The following PEPD variants were observed in gnomAD, a reference collection of about 807,000 sequenced individuals.
PEPD encodes xaa-Pro dipeptidase.
A neutral mutation model predicts 60.7 loss-of-function variants in PEPD; 53 were observed. The ratio of observed to expected loss-of-function variants is 0.87; its 90% CI spans 0.70 to 1.10. The LOEUF (loss-of-function observed/expected upper bound fraction) is 1.10. Ranked by LOEUF, PEPD falls within the 50% of genes least tolerant of loss-of-function variation. The probability of loss-of-function intolerance (pLI) is 0.00; values close to 1 mark genes in which losing one functional copy is unlikely to be tolerated. For synonymous variants in PEPD, 267 were observed against 284.1 expected (o/e 0.94, Z 0.60); for missense variants, 711 against 711.9 (o/e 1.00, Z 0.01).
intron 9 of PEPD, among the ~76,000 whole-genome samples, chr19:33,421,113 G>A (rs972654164): frequency 1.3e-5 from 2 of 152,176 alleles, no homozygotes; most frequent in Non-Finnish European, 2.9e-5. Context: ...GTGAGCGTTC[G>A]GGTTGTTTCC....
At chr19:33,515,463 C>A (rs1171310353) in intron 1 of PEPD, among the ~76,000 whole-genome samples, 4 of 152,100 alleles carry the variant, frequency 2.6e-5, no homozygotes, top group Non-Finnish European at 4.4e-5. Flanking sequence ...AGAGGGAAGT[C>A]GGTGAGAGTT....
chr19:33,493,692 C>T (rs532585867), intron 4 of PEPD, among the ~76,000 whole-genome samples: 149 of 152,240 alleles, frequency 9.8e-4, no homozygotes, highest in African/African-American at 3.4e-3. Context: ...CTCAAAGACC[C>T]GTCCCCCGGG....
intron 3 of PEPD, among the ~76,000 whole-genome samples, chr19:33,505,413 G>A (rs1396678150): frequency 6.6e-6 from 1 of 152,066 alleles, no homozygotes; most frequent in Non-Finnish European, 1.5e-5. Context: ...GGCCACAGAG[G>A]GAACAGCGCT....
At chr19:33,434,122 G>A (rs1969328339) in intron 9 of PEPD, among the ~76,000 whole-genome samples, 1 of 152,118 alleles carries the variant, frequency 6.6e-6, no homozygotes, top group African/African-American at 2.4e-5. Flanking sequence ...GCCTTTCTGA[G>A]CCTGGCTTCT....
chr19:33,501,247 C>T (rs542410092), intron 3 of PEPD, among the ~76,000 whole-genome samples: 1 of 152,294 alleles, frequency 6.6e-6, no homozygotes, highest in African/African-American at 2.4e-5. Flanking sequence ...TCCTCCGTGA[C>T]CCTAGCCACC....
chr19:33,521,785 G>T lies in PEPD; in HGVS notation c.-25C>A, dbSNP rs768175498. 2 of 1,551,870 alleles carry T rather than the reference G, an allele frequency of 1.3e-6. No homozygotes were observed. Among genetic ancestry groups the T allele is most frequent in the Non-Finnish European group, 1.7e-6 (2 of 1,152,336 alleles). ...TGTTCGCCCGGCACCGGCGTCACGT[G>T]AAGTGCGGCGTCAGCTGAGCCCCTC... On this transcript the variant is annotated 5_prime_UTR_variant, in exon 1 of 15. Transcript: ENST00000244137.
chr19:33,422,145 C>T (rs1046821770), intron 9 of PEPD, among the ~76,000 whole-genome samples: 1 of 152,062 alleles, frequency 6.6e-6, no homozygotes, highest in Non-Finnish European at 1.5e-5. Context: ...AGGCAAGTTC[C>T]CACCAGGCCA....
intron 7 of PEPD, among the ~76,000 whole-genome samples, chr19:33,466,062 C>G (rs921677076): frequency 6.6e-6 from 1 of 152,116 alleles, no homozygotes; most frequent in Non-Finnish European, 1.5e-5. Context: ...GGACAGCAAG[C>G]CTAGAAAGCA....
At chr19:33,387,660 CTT>C in intron 14 of PEPD, 179 bp from the exon 15 acceptor site, 1 of 861,924 alleles carries the variant, frequency 1.2e-6, no homozygotes, top group Non-Finnish European at 1.9e-6. Flanking sequence ...CTCACCCTGT[CTT>C]TGCCAGGTGG....
intron 3 of PEPD, among the ~76,000 whole-genome samples, chr19:33,507,550 T>C (rs1970836926): frequency 6.6e-6 from 1 of 152,160 alleles, no homozygotes; most frequent in Non-Finnish European, 1.5e-5. Context: ...GTCGTTTCCC[T>C]GGGCGACTTT....
chr19:33,426,795 G>A (rs1187493237), intron 9 of PEPD, among the ~76,000 whole-genome samples: 1 of 152,226 alleles, frequency 6.6e-6, no homozygotes, highest in Non-Finnish European at 1.5e-5. Flanking sequence ...GCACCTGCAG[G>A]AAGCGAGGAC....
intron 3 of PEPD, among the ~76,000 whole-genome samples, chr19:33,503,604 T>G (rs1970750404): frequency 6.6e-6 from 1 of 151,988 alleles, no homozygotes. Flanking sequence ...CAGCACCGAG[T>G]TGACCCCACA....
At chr19:33,455,158 T>C (rs1166253399) in intron 9 of PEPD, among the ~76,000 whole-genome samples, 1 of 152,152 alleles carries the variant, frequency 6.6e-6, no homozygotes, top group East Asian at 1.9e-4. Flanking sequence ...AGCATGGACT[T>C]AAGATAATAA....
At chr19:33,483,956 G>GA (rs1970353985) in intron 6 of PEPD, among the ~76,000 whole-genome samples, 1 of 152,160 alleles carries the variant, frequency 6.6e-6, no homozygotes, top group Admixed American at 6.5e-5. Flanking sequence ...TAATGGTGTT[G>GA]AAAACACCTA....
At chr19:33,414,492 T>G (rs1044316305) in intron 9 of PEPD, among the ~76,000 whole-genome samples, 7 of 152,164 alleles carry the variant, frequency 4.6e-5, no homozygotes, top group African/African-American at 1.7e-4. Flanking sequence ...CGTGGGGAGC[T>G]GCCCTCACCC....
chr19:33,387,232 A>G lies in PEPD; in HGVS notation c.*112T>C. Reference sequence around the variant, plus strand: ...GGTCTGATCAAATGCCGAAGCTGGGATCTGATTCTGGGTGCCGTCTCTCGC... The same window carrying G: ...GGTCTGATCAAATGCCGAAGCTGGGGTCTGATTCTGGGTGCCGTCTCTCGC... On this transcript the variant is annotated 3_prime_UTR_variant, in exon 15 of 15. Transcript: ENST00000244137. 7.8e-7 allele frequency: 1 copy of G among 1,288,408 alleles called. No homozygotes were observed. Among genetic ancestry groups the G allele is most frequent in the East Asian group, 2.3e-5 (1 of 43,034 alleles). The allele number at this position is 1,288,408 out of a possible 1,614,324, so 79.8% of individuals were successfully genotyped here. A position where few individuals can be genotyped will look rare whatever the true frequency, so the allele number is the denominator to read the frequency against.
intron 7 of PEPD, 85 bp from the exon 8 acceptor site, chr19:33,464,147 C>CCA (rs1438298364): frequency 1.1e-6 from 1 of 934,254 alleles, no homozygotes; most frequent in East Asian, 2.4e-5. Flanking sequence ...TCAGGGCCTA[C>CCA]CACACCCTGC....
chr19:33,494,464 T>C (rs1316050746), intron 4 of PEPD, among the ~76,000 whole-genome samples: 1 of 152,234 alleles, frequency 6.6e-6, no homozygotes, highest in Non-Finnish European at 1.5e-5. Context: ...TTGAAAACTA[T>C]AAAAAGATAA....
At chr19:33,492,322 T>C (rs1413456961) in intron 5 of PEPD, among the ~76,000 whole-genome samples, 1 of 152,042 alleles carries the variant, frequency 6.6e-6, no homozygotes, top group African/African-American at 2.4e-5. Context: ...CGCCCGGTGG[T>C]GTGGTTTTCA....
Sources: gnomAD v4.1 joint callset for allele counts (sites outside exome capture counted in the v4.1 genomes callset) on GRCh38, gnomAD v4.1.1 for gene constraint, MANE v1.5 for transcripts, NCBI Gene and HGNC (gene_info 2026-07-23, HGNC 2026-07-21) for gene names.